Variants in CDC14B observed in about 807,000 individuals in gnomAD.
CDC14B encodes cell division cycle 14B, also known as dual specificity protein phosphatase CDC14B.
CDC14B carries 22 observed loss-of-function variants against 64.2 expected under a neutral mutation model. The ratio of observed to expected loss-of-function variants is 0.34; its 90% CI spans 0.24 to 0.49. The LOEUF (loss-of-function observed/expected upper bound fraction) is 0.49. CDC14B is among the 20% of genes least tolerant of loss of function. The probability of loss-of-function intolerance (pLI) is 0.99; values close to 1 mark genes in which losing one functional copy is unlikely to be tolerated. For synonymous variants in CDC14B, 191 were observed against 215.8 expected, an observed-to-expected ratio of 0.89 and a Z score of 1.01; for missense variants, 498 against 629.9, an observed-to-expected ratio of 0.79 and a Z score of 2.24.
chr9:96,570,622 A>G (rs1439511534), intron 1 of CDC14B, among the ~76,000 whole-genome samples: 1 of 152,218 alleles, frequency 6.6e-6, no homozygotes, highest in African/African-American at 2.4e-5. Context: ...TGAGGGTAGG[A>G]AAGAACACGG....
At chr9:96,535,676 CAG>C (rs1471706794) in intron 7 of CDC14B, among the ~76,000 whole-genome samples, 1 of 152,126 alleles carries the variant, frequency 6.6e-6, no homozygotes, top group Non-Finnish European at 1.5e-5. Context: ...TAAAAAATAA[CAG>C]AGTTTCTTGA....
chr9:96,509,614 A>G, intron 13 of CDC14B, 59 bp downstream of exon 13: 1 of 1,025,010 alleles, frequency 9.8e-7, no homozygotes, highest in South Asian at 1.3e-5. Context: ...TAGGGTCCAA[A>G]TATTAAACTG....
At chr9:96,605,673 G>A (rs1044812285) in intron 1 of CDC14B, among the ~76,000 whole-genome samples, 2 of 152,174 alleles carry the variant, frequency 1.3e-5, no homozygotes, top group Non-Finnish European at 2.9e-5. Flanking sequence ...ACTGACTGCA[G>A]ACATATATAT....
In CDC14B at chr9:96,610,937, T is replaced by C. The variant is rs537518721; in HGVS notation, c.160+8282A>G. On this transcript the variant is annotated intron_variant, in intron 1 of 13. Coordinates refer to ENST00000375241, the MANE Select transcript of CDC14B (RefSeq NM_033331.4). ...CTCTACAGTTACAGAAAACTGAATC[T>C]GCTACCTAAGATTAAGACCAGCAAA... Among the ~76,000 whole-genome samples the C allele has an allele frequency of 3.3e-5, 5 of 152,260 alleles. No individual in the cohort carries two copies. The South Asian group carries it at 1.0e-3, about 32-fold the overall frequency.
Position 96,565,381 on chromosome 9 carries a change from A to C in CDC14B, c.251+12T>G. ...AACAAAAAGTTAAAATCTTTTAAAG[A>C]GCAATACTTACTTCTCATATTCAAG... On this transcript the variant is annotated intron_variant, in intron 2 of 13. Coordinates refer to ENST00000375241, the MANE Select transcript of CDC14B (RefSeq NM_033331.4). 1 of 1,489,466 alleles carries C rather than the reference A, an allele frequency of 6.7e-7. No individual in the cohort carries two copies. Among genetic ancestry groups the C allele is most frequent in the South Asian group, 1.1e-5 (1 of 87,814 alleles). 92.3% of individuals were successfully genotyped at this position (1,489,466 alleles called of 1,614,324 possible).
chr9:96,506,087 G>C (rs770095632), intron 13 of CDC14B, among the ~76,000 whole-genome samples: 2 of 152,190 alleles, frequency 1.3e-5, no homozygotes, highest in Non-Finnish European at 2.9e-5. Flanking sequence ...AAAATGGAAG[G>C]TCAAGTTCCC....
At chr9:96,617,081 C>T (rs1351884214) in intron 1 of CDC14B, among the ~76,000 whole-genome samples, 8 of 149,532 alleles carry the variant, frequency 5.4e-5, no homozygotes, top group Admixed American at 3.3e-4. Context: ...TGGACCCTTC[C>T]GTTATTAGGG....
intron 1 of CDC14B, among the ~76,000 whole-genome samples, chr9:96,587,424 C>A (rs12337291): frequency 4.6e-5 from 7 of 152,170 alleles, no homozygotes; most frequent in African/African-American, 1.7e-4. Context: ...AAGGCCTCCA[C>A]GGAAGCAAGG....
At chr9:96,611,417 C>T (rs918106725) in intron 1 of CDC14B, among the ~76,000 whole-genome samples, 1 of 152,190 alleles carries the variant, frequency 6.6e-6, no homozygotes, top group Non-Finnish European at 1.5e-5. Flanking sequence ...CACCTACTTA[C>T]CTCATTCATA....
At chr9:96,587,181 A>T (rs1228960864) in intron 1 of CDC14B, among the ~76,000 whole-genome samples, 1 of 149,790 alleles carries the variant, frequency 6.7e-6, no homozygotes, top group East Asian at 1.9e-4. Flanking sequence ...TCGAAAACAA[A>T]AACAACAAAA....
At chr9:96,615,622 G>C (rs1847576376) in intron 1 of CDC14B, among the ~76,000 whole-genome samples, 1 of 152,210 alleles carries the variant, frequency 6.6e-6, no homozygotes, top group South Asian at 2.1e-4. Context: ...GCAAGGATGT[G>C]GAATAATTGG....
At chr9:96,536,287 GT>G (rs1018322142) in intron 7 of CDC14B, among the ~76,000 whole-genome samples, 4 of 152,292 alleles carry the variant, frequency 2.6e-5, no homozygotes, top group African/African-American at 9.6e-5. Flanking sequence ...AATCTCTACA[GT>G]AGTAACAGGG....
intron 12 of CDC14B, among the ~76,000 whole-genome samples, chr9:96,519,900 C>T (rs1426112268): frequency 6.6e-6 from 1 of 152,192 alleles, no homozygotes; most frequent in Admixed American, 6.5e-5. Flanking sequence ...AAATAACTTG[C>T]TCACAGAAAT....
intron 4 of CDC14B, among the ~76,000 whole-genome samples, chr9:96,557,227 C>T (rs1430671784): frequency 6.6e-6 from 1 of 152,230 alleles, no homozygotes; most frequent in African/African-American, 2.4e-5. Flanking sequence ...GCACTGGCTT[C>T]CCACTGAGGG....
At chr9:96,532,917 AT>A (rs1838706291) in intron 9 of CDC14B, among the ~76,000 whole-genome samples, 1 of 151,966 alleles carries the variant, frequency 6.6e-6, no homozygotes. Flanking sequence ...GTTATTTAAA[AT>A]TTTTTGCCTA....
At chr9:96,608,814 A>G (rs1261214688) in intron 1 of CDC14B, among the ~76,000 whole-genome samples, 1 of 151,944 alleles carries the variant, frequency 6.6e-6, no homozygotes, top group East Asian at 1.9e-4. Flanking sequence ...TTTTCGGTGA[A>G]TTATTAACAT....
At chr9:96,496,494 CTTGGG>C (rs2131184891), downstream of CDC14B, 1 of 398,494 alleles carries the variant, frequency 2.5e-6, no homozygotes, top group East Asian at 7.1e-5. Flanking sequence ...GCAAGGCAAA[CTTGGG>C]TTGGGGCCCA....
At chr9:96,618,480 G>A (rs1202664245) in intron 1 of CDC14B, 1 of 533,330 alleles carries the variant, frequency 1.9e-6, no homozygotes, top group Non-Finnish European at 3.8e-6. Context: ...AGCTATCGAA[G>A]GGCTGCTTGG....
chr9:96,522,638 A>C, intron 11 of CDC14B, 35 bp from the exon 12 acceptor site: 1 of 1,365,910 alleles, frequency 7.3e-7, no homozygotes, highest in Non-Finnish European at 1.0e-6. Flanking sequence ...CTAATGATTT[A>C]AGTTGCACTT....
Sources: allele counts gnomAD v4.1 joint callset (sites outside exome capture counted in the v4.1 genomes callset), GRCh38; gene constraint gnomAD v4.1.1; transcripts MANE v1.5; gene names NCBI Gene and HGNC (gene_info 2026-07-23, HGNC 2026-07-21).